LAMB4: variants seen among roughly 807,000 people sequenced by gnomAD.
LAMB4 encodes laminin subunit beta 4.
Under a neutral mutation model 199.2 loss-of-function variants are expected in LAMB4, and 196 were observed. That is an observed-to-expected ratio of 0.98 (90% CI 0.88 to 1.11). LAMB4 has a LOEUF of 1.11. Ranked by LOEUF, LAMB4 falls within the 50% of genes least tolerant of loss-of-function variation. LAMB4 has a pLI of 0.00. For missense variants in LAMB4, 2,080 were observed against 2,171.2 expected, an observed-to-expected ratio of 0.96 and a Z score of 0.83; for synonymous variants, 744 against 770.6, an observed-to-expected ratio of 0.97 and a Z score of 0.57.
At chr7:108,104,436 T>C in intron 9 of LAMB4, 63 bp downstream of exon 9, 1 of 1,594,176 alleles carries the variant, frequency 6.3e-7, no homozygotes, top group South Asian at 1.1e-5. Flanking sequence ...GTGAACGAAG[T>C]GTTTCTTAAA....
intron 4 of LAMB4, 142 bp from the exon 5 acceptor site, chr7:108,109,386 T>C (rs1455126652): frequency 3.0e-6 from 2 of 656,970 alleles, no homozygotes; most frequent in Non-Finnish European, 5.4e-6. Context: ...TCTGTTGGAG[T>C]GGTATCCCAT....
chr7:108,051,699 T>G (rs2035832578), intron 26 of LAMB4, among the ~76,000 whole-genome samples: 1 of 152,184 alleles, frequency 6.6e-6, no homozygotes, highest in Non-Finnish European at 1.5e-5. Context: ...TTGCCTCACA[T>G]TCCATTGCAT....
At chr7:108,076,888 A>G in intron 17 of LAMB4, 56 bp downstream of exon 17, 3 of 1,574,872 alleles carry the variant, frequency 1.9e-6, no homozygotes, top group South Asian at 2.3e-5. Context: ...GTTTAAAAGT[A>G]GTTATAACGG....
rs1476376239 is a variant in LAMB4 at position 108,092,370 on chromosome 7, CAGGG to C, written c.1513_1516del (p.Pro505ValfsTer43). The C allele has an allele frequency of 1.2e-6, 2 of 1,614,046 alleles. No individual in the cohort carries two copies. The highest frequency in any genetic ancestry group is 1.7e-6 in the Non-Finnish European group (2 of 1,179,890). Reference sequence around the variant, plus strand: ...ATAAGCACCTCCAATATCACAGTCACAGGGAGAACACCCATGGAGATGATTTCCC... The same window carrying C: ...ATAAGCACCTCCAATATCACAGTCACAGAACACCCATGGAGATGATTTCCC... On this transcript the variant is annotated frameshift_variant, in exon 13 of 34. Coordinates refer to ENST00000388781, the MANE Select transcript of LAMB4 (RefSeq NM_007356.3). LOFTEE classifies it high-confidence loss of function.
In LAMB4 at chr7:108,037,527, G is replaced by T; in HGVS notation, c.4540C>A (p.Pro1514Thr). Residue 1514 changes from proline (P) to threonine (T), a missense_variant, in exon 30 of 34, where the codon CCA becomes ACA. Pro to Thr is a conservative substitution (Grantham distance 38, BLOSUM62 -1). Transcript: ENST00000388781. ...NGVLDIHLPI[P>T]SQNLTDELVK... ...AGTTCATCGGTTAGATTTTGGGATGGAATTGGTAGGTGAATGTCAAGCACA... is the reference window on the plus strand; with the variant it reads ...AGTTCATCGGTTAGATTTTGGGATGTAATTGGTAGGTGAATGTCAAGCACA... The T allele has an allele frequency of 6.2e-7, 1 of 1,614,098 alleles. No homozygotes were observed. The highest frequency in any genetic ancestry group is 1.1e-5 in the South Asian group (1 of 91,074).
rs200812415 is a variant in LAMB4, at chr7:108,052,135, A to G, written c.3878T>C (p.Ile1293Thr). The G allele has an allele frequency of 2.5e-6, 4 of 1,612,144 alleles. No individual in the cohort carries two copies. In the Admixed American group the frequency reaches 5.0e-5, roughly 20 times the overall value. Residue 1293 changes from isoleucine to threonine, a missense_variant, in exon 26 of 34, where the codon ATT (isoleucine) becomes ACT (threonine). By Grantham distance (89) the Ile-to-Thr change is moderately conservative. Coordinates refer to ENST00000388781, the MANE Select transcript of LAMB4 (RefSeq NM_007356.3). ...ATTAAGGACACTGGATTGCAAATCA[A>G]TTTCTTCCTGAAGGTCTTCAAGTAA... Reference protein sequence around the residue: ...DLLLEDLQEEIDLQSSVLNAS... With the variant: ...DLLLEDLQEETDLQSSVLNAS...
chr7:108,034,290 G>T lies in LAMB4; in HGVS notation c.4736C>A (p.Ala1579Asp), dbSNP rs748595241. 75 of 1,613,120 alleles carry T rather than the reference G, an allele frequency of 4.6e-5. 2 individuals are homozygous for T. In the Middle Eastern group the frequency reaches 8.3e-4, roughly 18 times the overall value. ...GTTTGCCCGTCCTTGAGTGATTTGA[G>T]CTTGTTGTAACTGGTTCAATGTTTT... is the stretch of plus-strand genomic sequence containing the variant. ...LDKTLNQLQQAQITQGRANST... is the reference protein window; with the variant it reads ...LDKTLNQLQQDQITQGRANST... The change falls in exon 31 of 34, where the codon GCT (alanine) becomes GAT (aspartate). Residue 1579 changes from alanine to aspartate, a missense_variant. By Grantham distance (126) the Ala-to-Asp change is moderately radical. Coordinates refer to ENST00000388781, the MANE Select transcript of LAMB4 (RefSeq NM_007356.3).
chr7:108,043,420 A>AT lies in LAMB4; in HGVS notation c.4471+331dup, dbSNP rs1455799678. ...CATTTATCTTTTACAGAAAGCTGTAATTTTTTGGCACAGAGTTGGTATTTT... is the reference window on the plus strand; with the variant it reads ...CATTTATCTTTTACAGAAAGCTGTAATTTTTTTGGCACAGAGTTGGTATTTT... On this transcript the variant is annotated intron_variant, in intron 29 of 33. Coordinates refer to ENST00000388781, the MANE Select transcript of LAMB4 (RefSeq NM_007356.3). Among the ~76,000 whole-genome samples the AT allele has an allele frequency of 2.6e-5, 4 of 152,124 alleles. No individual in the cohort carries two copies. In the East Asian group the frequency reaches 5.8e-4, roughly 22 times the overall value.
Position 108,069,764 on chromosome 7 carries a change from C to T in LAMB4, c.2246G>A (p.Gly749Asp). 6.2e-7 allele frequency: 1 copy of T among 1,613,982 alleles called. No homozygotes were observed. The highest frequency in any genetic ancestry group is 8.5e-7 in the Non-Finnish European group (1 of 1,179,882). ...ASAMGPQVLP[G>D]ACERLIISMS... ...GCTGATGATCAGCCTTTCACAGGCA[C>T]CCGGGAGCACTTGAGGTCCCATTGC... The change falls in exon 18 of 34, where the codon GGT (glycine) becomes GAT (aspartate). Residue 749 changes from glycine to aspartate, a missense_variant. Physicochemically the swap from Gly to Asp is moderately conservative, Grantham distance 94. Transcript: ENST00000388781.
chr7:108,025,580 C>T (rs767286676), intron 33 of LAMB4, among the ~76,000 whole-genome samples: 10 of 151,906 alleles, frequency 6.6e-5, no homozygotes, highest in Non-Finnish European at 1.0e-4. Context: ...AGGCATAGGC[C>T]ACCATGTCTG....
rs1563041354 is a variant in LAMB4 at position 108,043,846 on chromosome 7, C to A, written c.4377G>T (p.Gln1459His). The A allele has an allele frequency of 6.8e-6, 11 of 1,609,074 alleles. 1 individual carries two copies. In the African/African-American group the frequency reaches 1.5e-4, roughly 22 times the overall value. Residue 1459 changes from glutamine (Q) to histidine (H), a missense_variant, in exon 29 of 34, where the codon CAG becomes CAT. Transcript: ENST00000388781. ...QAEVSKNNALQLREKLGNIRN... is the reference protein window; with the variant it reads ...QAEVSKNNALHLREKLGNIRN... Reference sequence around the variant, plus strand: ...TTATATTTCCCAGTTTTTCCCTCAGCTGTAAGGCATTGTTTTTGGAGACTT... The same window carrying A: ...TTATATTTCCCAGTTTTTCCCTCAGATGTAAGGCATTGTTTTTGGAGACTT...
In LAMB4 at chr7:108,029,088, C is replaced by T. The variant is rs184698406; in HGVS notation, c.5101G>A (p.Glu1701Lys). 10 of 1,614,064 alleles carry T rather than the reference C, an allele frequency of 6.2e-6. No individual in the cohort carries two copies. The highest frequency in any genetic ancestry group is 8.5e-6 in the Non-Finnish European group (10 of 1,179,982). ...GKVKQLKDAA[E>K]KLAGDTEAKI... ...GCCTCTGTATCTCCAGCCAATTTTT[C>T]TGCCGCATCTTTTAGCTGTTTAACT... The change falls in exon 33 of 34, where the codon GAA (glutamate) becomes AAA (lysine). Residue 1701 changes from glutamate (E) to lysine (K), a missense_variant. Physicochemically the swap from Glu to Lys is moderately conservative, Grantham distance 56. Transcript: ENST00000388781.
At chr7:108,106,116 A>G (rs1584764027) in intron 7 of LAMB4, 85 bp from the exon 8 acceptor site, 1 of 1,058,364 alleles carries the variant, frequency 9.4e-7, no homozygotes, top group East Asian at 2.5e-5. Context: ...CACTTAATAT[A>G]CTATAGAAAA....
chr7:108,117,152 A>C (rs1279237387), intron 2 of LAMB4, among the ~76,000 whole-genome samples: 1 of 152,240 alleles, frequency 6.6e-6, no homozygotes, highest in Non-Finnish European at 1.5e-5. Flanking sequence ...CCATATAATC[A>C]AATTATTCTG....
intron 18 of LAMB4, among the ~76,000 whole-genome samples, chr7:108,068,826 T>C (rs2036434061): frequency 6.6e-6 from 1 of 152,118 alleles, no homozygotes; most frequent in Non-Finnish European, 1.5e-5. Context: ...CCCGAGTAGC[T>C]GGGATTACAG....
intron 14 of LAMB4, among the ~76,000 whole-genome samples, chr7:108,087,218 C>G (rs1187489664): frequency 7.2e-5 from 11 of 152,276 alleles, no homozygotes; most frequent in Non-Finnish European, 1.3e-4. Flanking sequence ...CCCTTAGCCC[C>G]CACCACCACA....
At chr7:108,037,235 A>T (rs1272601163) in intron 30 of LAMB4, among the ~76,000 whole-genome samples, 153 bp downstream of exon 30, 1 of 152,150 alleles carries the variant, frequency 6.6e-6, no homozygotes, top group African/African-American at 2.4e-5. Context: ...TTCCCGGGGA[A>T]TCTCCAAAGA....
At chr7:108,097,094 T>A (rs1355121942) in intron 11 of LAMB4, among the ~76,000 whole-genome samples, 2 of 152,082 alleles carry the variant, frequency 1.3e-5, no homozygotes, top group African/African-American at 4.8e-5. Flanking sequence ...GGGAAATTGG[T>A]TTGACTATAT....
rs953867811 is a variant in LAMB4 at position 108,029,211 on chromosome 7, A to G, written c.4993-15T>C. 6.2e-7 allele frequency: 1 copy of G among 1,607,658 alleles called. No homozygotes were observed. The highest frequency in any genetic ancestry group is 1.3e-5 in the African/African-American group (1 of 74,572). ...TCAACAAATTCCTGTAACAAGCAACACTTGCATCATGAGAAAATATGTATA... is the reference window on the plus strand; with the variant it reads ...TCAACAAATTCCTGTAACAAGCAACGCTTGCATCATGAGAAAATATGTATA... On this transcript the variant is annotated splice_polypyrimidine_tract_variant and intron_variant, in intron 32 of 33. Transcript: ENST00000388781.
Sources: gnomAD v4.1 joint callset for allele counts (sites outside exome capture counted in the v4.1 genomes callset) on GRCh38, gnomAD v4.1.1 for gene constraint, MANE v1.5 for transcripts, NCBI Gene and HGNC (gene_info 2026-07-23, HGNC 2026-07-21) for gene names.